The following PCDHA9 variants were observed in gnomAD, a reference collection of about 807,000 sequenced individuals.
PCDHA9 encodes the protein protocadherin alpha-9.
PCDHA9 carries 62 observed loss-of-function variants against 62.0 expected under a neutral mutation model. The ratio of observed to expected loss-of-function variants is 1.00; its 90% CI spans 0.81 to 1.23. PCDHA9 has a LOEUF of 1.23. Ranked by LOEUF, PCDHA9 falls within the 50% of genes most tolerant of loss-of-function variation. The pLI is 0.00. For synonymous variants in PCDHA9, 557 were observed against 567.6 expected (o/e 0.98, Z 0.27); for missense variants, 1,205 against 1,249.8 (o/e 0.96, Z 0.54).
intron 1 of PCDHA9, chr5:140,884,339 G>A (rs1178682525): frequency 6.2e-7 from 1 of 1,613,788 alleles, no homozygotes; most frequent in Non-Finnish European, 8.5e-7. Context: ...GGGTCCAGAA[G>A]CGGCGCTGGT....
chr5:140,875,591 A>C, intron 1 of PCDHA9: 2 of 1,613,998 alleles, frequency 1.2e-6, no homozygotes, highest in Non-Finnish European at 1.7e-6. Context: ...GAGGAGGCCA[A>C]ACACGGCACC....
chr5:140,930,197 C>G (rs1417032734), intron 1 of PCDHA9: 1 of 152,080 alleles, frequency 6.6e-6, no homozygotes, highest in African/African-American at 2.4e-5. Flanking sequence ...ATTTTTATGT[C>G]AGAAATATTT....
chr5:140,895,170 T>C (rs2064890754), intron 1 of PCDHA9, among the ~76,000 whole-genome samples: 1 of 152,176 alleles, frequency 6.6e-6, no homozygotes, highest in Admixed American at 6.5e-5. Flanking sequence ...TCCAATCTAT[T>C]TGTAGTCCCT....
chr5:140,967,387 T>A (rs1158599127), intron 1 of PCDHA9: 4 of 1,609,114 alleles, frequency 2.5e-6, no homozygotes, highest in Non-Finnish European at 3.4e-6. Flanking sequence ...GTAAAGTGCT[T>A]GAGCTGGTGC....
chr5:140,894,821 C>T, intron 1 of PCDHA9, among the ~76,000 whole-genome samples: 1 of 151,806 alleles, frequency 6.6e-6, no homozygotes, highest in Non-Finnish European at 1.5e-5. Context: ...TCAGATTTGC[C>T]CATAATCCTT....
rs201572428 is a variant in PCDHA9, at chr5:140,982,529, T to A, written c.2508T>A (p.Asp836Glu). 220 of 1,614,200 alleles carry A rather than the reference T, an allele frequency of 1.4e-4. No homozygotes were observed. Among genetic ancestry groups the A allele is most frequent in the Non-Finnish European group, 1.7e-4 (202 of 1,180,036 alleles). Reference sequence around the variant, plus strand: ...TACGGGCTGGTCCAGGAGGGCCTGATCAGCAGTGGCCAACAGTATCCAGTG... The same window carrying A: ...TACGGGCTGGTCCAGGAGGGCCTGAACAGCAGTGGCCAACAGTATCCAGTG... ...GILRAGPGGP[D>E]QQWPTVSSAT... Residue 836 changes from aspartate (D) to glutamate (E), a missense_variant, in exon 3 of 4, where the codon GAT becomes GAA. This residue lies in a region of PCDHA9 where 887 missense variants were observed against 809.5 expected (regional missense o/e 1.10). Transcript: ENST00000532602.
chr5:140,865,215 T>C (rs2048774441), intron 1 of PCDHA9: 1 of 152,214 alleles, frequency 6.6e-6, no homozygotes, highest in Admixed American at 6.5e-5. Flanking sequence ...TTGCTTTCTT[T>C]AAAGGGATCC....
At chr5:140,869,582 C>T (rs936485472) in intron 1 of PCDHA9, 7 of 1,614,088 alleles carry the variant, frequency 4.3e-6, no homozygotes, top group Middle Eastern at 1.6e-4. Context: ...GCTTCTGATG[C>T]TGACATTGAA....
chr5:140,937,229 G>A (rs2091424119), intron 1 of PCDHA9, among the ~76,000 whole-genome samples: 1 of 151,784 alleles, frequency 6.6e-6, no homozygotes, highest in Non-Finnish European at 1.5e-5. Flanking sequence ...TGTAGAGACG[G>A]GGTTTCACCG....
chr5:141,009,739 C>A lies in PCDHA9; in HGVS notation c.2655C>A (p.Pro885=), dbSNP rs370989006. Residue 885 remains proline, a synonymous_variant, in exon 4 of 4, where the codon CCC becomes CCA. Transcript: ENST00000532602. ...AACAATCCGGTCCCGGTGAGTTGCC[C>A]GACAAATTCATTATCCCAGGATCTC... ...NPKQSGPGEL[P]DKFIIPGSPA... 2 of 1,614,010 alleles carry A rather than the reference C, an allele frequency of 1.2e-6. No homozygotes were observed. Among genetic ancestry groups the A allele is most frequent in the Non-Finnish European group, 1.7e-6 (2 of 1,180,008 alleles).
chr5:140,852,232 T>A (rs1441900683), intron 1 of PCDHA9: 2 of 602,048 alleles, frequency 3.3e-6, no homozygotes, highest in African/African-American at 4.0e-5. Context: ...TTTTAAATTT[T>A]CCCTTAAAAC....
intron 1 of PCDHA9, chr5:140,870,816 C>A: frequency 4.3e-6 from 7 of 1,613,668 alleles, no homozygotes; most frequent in Admixed American, 1.7e-5. Flanking sequence ...AGGCTGGCAG[C>A]GCGGGAGGCG....
At chr5:140,858,464 T>C in intron 1 of PCDHA9, 6 of 1,523,496 alleles carry the variant, frequency 3.9e-6, no homozygotes, top group South Asian at 1.2e-5. Context: ...CATTTTCCTT[T>C]TGTGCTTTAT....
chr5:140,919,352 T>G (rs1406850241), intron 1 of PCDHA9, among the ~76,000 whole-genome samples: 1 of 152,222 alleles, frequency 6.6e-6, no homozygotes, highest in Non-Finnish European at 1.5e-5. Flanking sequence ...TCTTTGAATC[T>G]AAAAGTGTCT....
intron 1 of PCDHA9, chr5:140,861,213 A>C: frequency 6.0e-6 from 1 of 166,518 alleles, no homozygotes; most frequent in Non-Finnish European, 1.3e-5. Flanking sequence ...ACTAACCAAA[A>C]GAGAGGCATA....
chr5:140,883,443 A>G (rs2059611817), intron 1 of PCDHA9: 1 of 1,614,136 alleles, frequency 6.2e-7, no homozygotes. Flanking sequence ...TTGACGCCGC[A>G]TGTCCCCTTC....
At position 140,886,685 on chromosome 5, in the gene PCDHA9, G is replaced by A. The variant is rs1250817978; in HGVS notation, c.2394+35796G>A. On this transcript the variant is annotated intron_variant, in intron 1 of 3. Transcript: ENST00000532602. The stretch of plus-strand genomic sequence containing the variant: ...TACTAAAAATACAAAAATTAGCGAG[G>A]CATGGTGGCACGCGCCTGTAATCCC... Among the ~76,000 whole-genome samples the A allele has an allele frequency of 2.6e-5, 4 of 152,080 alleles. No homozygotes were observed. In the East Asian group the frequency reaches 7.8e-4, roughly 30 times the overall value.
intron 3 of PCDHA9, among the ~76,000 whole-genome samples, chr5:140,984,056 G>A (rs569184437): frequency 6.6e-6 from 1 of 152,318 alleles, no homozygotes; most frequent in African/African-American, 2.4e-5. Context: ...TGACAAATCT[G>A]TACCCTCAGT....
intron 3 of PCDHA9, among the ~76,000 whole-genome samples, chr5:141,007,874 T>TA (rs2098349969): frequency 6.6e-6 from 1 of 152,244 alleles, no homozygotes; most frequent in African/African-American, 2.4e-5. Flanking sequence ...TCCTTTGTCT[T>TA]ACACTTCTTT....
Sources: gnomAD v4.1 joint callset for allele counts (sites outside exome capture counted in the v4.1 genomes callset) on GRCh38, gnomAD v4.1.1 for gene constraint, gnomAD v4.1.1 regional missense constraint, MANE v1.5 for transcripts, NCBI Gene and HGNC (gene_info 2026-07-23, HGNC 2026-07-21) for gene names.